SLC22A15: variants seen among roughly 807,000 people sequenced by gnomAD.
SLC22A15 encodes the protein solute carrier family 22 member 15.
A neutral mutation model predicts 62.7 loss-of-function variants in SLC22A15; 45 were observed. That is an observed-to-expected ratio of 0.72 (90% confidence interval 0.56 to 0.92). The LOEUF (loss-of-function observed/expected upper bound fraction) is 0.92. SLC22A15 is among the 40% of genes least tolerant of loss of function. The pLI is 0.00. For missense variants in SLC22A15, 622 were observed against 665.6 expected, an observed-to-expected ratio of 0.93 and a Z score of 0.72; for synonymous variants, 264 against 267.0, an observed-to-expected ratio of 0.99 and a Z score of 0.11.
At chr1:116,059,947 T>C (rs1658335466) in intron 8 of SLC22A15, among the ~76,000 whole-genome samples, 1 of 152,246 alleles carries the variant, frequency 6.6e-6, no homozygotes, top group Admixed American at 6.5e-5. Flanking sequence ...GAGTTAGTAT[T>C]TGAAGTATAC....
chr1:116,062,805 G>T lies in SLC22A15; in HGVS notation c.1215G>T (p.Leu405Phe), dbSNP rs527456174. The T allele has an allele frequency of 2.5e-6, 4 of 1,613,870 alleles. No homozygotes were observed. Among genetic ancestry groups the T allele is most frequent in the Admixed American group, 3.3e-5 (2 of 60,014 alleles). ...FAVVNSHSLS[L>F]LGKLTISAAF... is the part of the protein sequence containing the mutation. The stretch of plus-strand genomic sequence containing the variant: ...TGGTGAACAGCCATTCCTTGTCCTT[G>T]CTGGGGAAGCTGACCATCAGTGCTG... Residue 405 changes from leucine to phenylalanine, a missense_variant, in exon 9 of 12, where the codon TTG (leucine) becomes TTT (phenylalanine). Physicochemically the swap from Leu to Phe is conservative, Grantham distance 22. Transcript: ENST00000369503.
chr1:116,020,965 C>A, intron 4 of SLC22A15, 80 bp downstream of exon 4: 2 of 1,311,010 alleles, frequency 1.5e-6, no homozygotes, highest in South Asian at 1.6e-5. Flanking sequence ...ATCCTAGAGT[C>A]TGGAAATGCA....
In SLC22A15 at chr1:115,992,105, GCTC is replaced by G; in HGVS notation, c.165_167del (p.Leu56del). ...CATCCTACCACTGGGACCTGGCAGA[GCTC>G]CTGCCAAATCAGAGCCACGGTAACC... On this transcript the variant is annotated inframe_deletion, in exon 2 of 12. Transcript: ENST00000369503. 6.2e-7 allele frequency: 1 copy of G among 1,613,986 alleles called. No individual in the cohort carries two copies. The highest frequency in any genetic ancestry group is 1.1e-5 in the South Asian group (1 of 91,072).
chr1:116,019,507 GT>G (rs1656710311), intron 2 of SLC22A15, 74 bp from the exon 3 acceptor site: 1 of 1,438,070 alleles, frequency 7.0e-7, no homozygotes, highest in Non-Finnish European at 9.3e-7. Flanking sequence ...TGGTGTACAA[GT>G]TTTTGTTGCA....
chr1:116,013,144 A>C (rs940609317), intron 2 of SLC22A15, among the ~76,000 whole-genome samples: 1 of 152,124 alleles, frequency 6.6e-6, no homozygotes, highest in African/African-American at 2.4e-5. Flanking sequence ...CCATATTTTC[A>C]GCTTACCATG....
At chr1:115,987,266 C>A (rs1358969798) in intron 1 of SLC22A15, among the ~76,000 whole-genome samples, 3 of 151,144 alleles carry the variant, frequency 2.0e-5, no homozygotes, top group Non-Finnish European at 4.4e-5. Flanking sequence ...CCCGGGTTCA[C>A]GCCATTCTCC....
intron 8 of SLC22A15, among the ~76,000 whole-genome samples, chr1:116,058,649 A>G (rs368516521): frequency 2.0e-5 from 3 of 152,214 alleles, no homozygotes; most frequent in African/African-American, 4.8e-5. Flanking sequence ...TCATTATTCA[A>G]AAAAGATACT....
intron 6 of SLC22A15, 33 bp from the exon 7 acceptor site, chr1:116,035,154 T>G (rs914478677): frequency 6.3e-7 from 1 of 1,598,882 alleles, no homozygotes; most frequent in Non-Finnish European, 8.5e-7. Flanking sequence ...CTTCTTGTCT[T>G]TTACCTCCTG....
intron 1 of SLC22A15, 64 bp from the exon 2 acceptor site, chr1:115,991,967 T>A: frequency 7.1e-7 from 1 of 1,408,726 alleles, no homozygotes; most frequent in South Asian, 1.2e-5. Flanking sequence ...GCAAGCCTGC[T>A]AAGTGTCTTC....
rs1658566379 is a variant in SLC22A15, at chr1:116,069,373, T to TTTGCATTGA, written c.*2268_*2276dup. On this transcript the variant is annotated 3_prime_UTR_variant, in exon 12 of 12. Coordinates refer to ENST00000369503, the MANE Select transcript of SLC22A15 (RefSeq NM_018420.3). ...TGTAGAGAATGTGTATATGTGTATA[T>TTTGCATTGA]TTGCATTGATTAAATTATTGGAAAA... 1 of 152,202 alleles carries TTTGCATTGA rather than the reference T, an allele frequency of 6.6e-6. No individual in the cohort carries two copies. The highest frequency in any genetic ancestry group is 1.5e-5 in the Non-Finnish European group (1 of 68,024). The allele number at this position is 152,202 out of a possible 1,614,324, so 9.4% of individuals were successfully genotyped here.
At position 116,064,438 on chromosome 1, in the gene SLC22A15, A is replaced by C. The variant is rs772532538; in HGVS notation, c.1295A>C (p.Asn432Thr). ...TSELYPTVIR[N>T]VGLGTCSMFS... is the part of the protein sequence containing the mutation. ...GTATTTTTACTTATGCTTTTCAGGA[A>C]TGTTGGGCTTGGAACTTGTTCCATG... The change falls in exon 10 of 12, where the codon AAT (asparagine) becomes ACT (threonine). Residue 432 changes from asparagine (N) to threonine (T), a missense_variant and splice_region_variant. Physicochemically the swap from Asn to Thr is moderately conservative, Grantham distance 65 (BLOSUM62 0). Coordinates refer to ENST00000369503, the MANE Select transcript of SLC22A15 (RefSeq NM_018420.3). The C allele has an allele frequency of 8.1e-6, 13 of 1,612,140 alleles. No individual in the cohort carries two copies. Among genetic ancestry groups the C allele is most frequent in the Middle Eastern group, 1.7e-4 (1 of 6,060 alleles).
chr1:115,984,727 T>C (rs1005897656), intron 1 of SLC22A15, among the ~76,000 whole-genome samples: 1 of 152,148 alleles, frequency 6.6e-6, no homozygotes, highest in Non-Finnish European at 1.5e-5. Flanking sequence ...AGGATGTTGT[T>C]TTCCTGAAGA....
At chr1:116,008,373 T>C (rs773625799) in intron 2 of SLC22A15, among the ~76,000 whole-genome samples, 11 of 152,190 alleles carry the variant, frequency 7.2e-5, no homozygotes, top group Non-Finnish European at 1.5e-4. Flanking sequence ...ATAACATTGA[T>C]CAGTAATTGG....
rs748350128 is a variant in SLC22A15, at chr1:115,992,232, A to G, written c.289A>G (p.Ile97Val). The G allele has an allele frequency of 6.3e-7, 1 of 1,580,604 alleles. No homozygotes were observed. Among genetic ancestry groups the G allele is most frequent in the Admixed American group, 1.8e-5 (1 of 54,578 alleles). The stretch of plus-strand genomic sequence containing the variant: ...GCATTTCAGCAGCAGCTTCACCTCC[A>G]TCGCCTCGGAGGTAACAACAGGCTG... ...HVHFSSSFTS[I>V]ASEWFLIANR... The change falls in exon 2 of 12, where the codon ATC (isoleucine) becomes GTC (valine). Residue 97 changes from isoleucine (I) to valine (V), a missense_variant. Ile to Val is a conservative substitution (Grantham distance 29, BLOSUM62 3). Transcript: ENST00000369503.
At chr1:116,037,595 C>A (rs761144138) in intron 8 of SLC22A15, 115 of 483,794 alleles carry the variant, frequency 2.4e-4, no homozygotes, top group Non-Finnish European at 3.6e-4. Flanking sequence ...ACTATTAATT[C>A]TTTCAGGCTA....
At chr1:115,984,331 A>G (rs1419909414) in intron 1 of SLC22A15, among the ~76,000 whole-genome samples, 1 of 152,172 alleles carries the variant, frequency 6.6e-6, no homozygotes, top group Non-Finnish European at 1.5e-5. Context: ...CTGCTCAAGT[A>G]TCATATTAAC....
chr1:115,998,480 T>C (rs2101124373), intron 2 of SLC22A15, among the ~76,000 whole-genome samples: 1 of 152,312 alleles, frequency 6.6e-6, no homozygotes, highest in Non-Finnish European at 1.5e-5. Context: ...GTTATTGATC[T>C]ATTTAGGCTT....
rs563850043 is a variant in SLC22A15, at chr1:116,068,449, C to A, written c.*1341C>A. ...CTTCTGGAAGTGCTGGAAGCATCAC[C>A]CCAATTGGCTCCAAATACTGTCATG... is the stretch of plus-strand genomic sequence containing the variant. On this transcript the variant is annotated 3_prime_UTR_variant, in exon 12 of 12. Transcript: ENST00000369503. 263 of 152,506 alleles carry A rather than the reference C, an allele frequency of 1.7e-3. 1 individual carries two copies. Among genetic ancestry groups the A allele is most frequent in the South Asian group, 3.5e-3 (17 of 4,822 alleles). 9.4% of individuals were successfully genotyped at this position (152,506 alleles called of 1,614,324 possible).
Position 116,021,553 on chromosome 1 carries a change from G to A in SLC22A15, c.598+668G>A, listed in dbSNP as rs185319033. ...CTTTTACTTTCATTCACTTGACAATGGTTGAATGTTTCCCATGGATGTTCT... is the reference window on the plus strand; with the variant it reads ...CTTTTACTTTCATTCACTTGACAATAGTTGAATGTTTCCCATGGATGTTCT... On this transcript the variant is annotated intron_variant, in intron 4 of 11. Coordinates refer to ENST00000369503, the MANE Select transcript of SLC22A15 (RefSeq NM_018420.3). Among the ~76,000 whole-genome samples, 3 of 152,282 alleles carry A rather than the reference G, an allele frequency of 2.0e-5. No homozygotes were observed. In the East Asian group the frequency reaches 5.8e-4, roughly 29 times the overall value.
Sources: allele counts gnomAD v4.1 joint callset (sites outside exome capture counted in the v4.1 genomes callset), GRCh38; gene constraint gnomAD v4.1.1; transcripts MANE v1.5; gene names NCBI Gene and HGNC (gene_info 2026-07-23, HGNC 2026-07-21).